The following ACTR3C variants were observed in gnomAD, a reference collection of about 807,000 sequenced individuals.
ACTR3C encodes actin related protein 3C.
In ACTR3C, 18 loss-of-function variants were observed where a neutral mutation model predicts 26.3. The ratio of observed to expected loss-of-function variants is 0.68; its 90% CI spans 0.47 to 1.01. The LOEUF is 1.01. ACTR3C is among the 50% of genes least tolerant of loss of function. The pLI is 0.00. For missense variants in ACTR3C, 184 were observed against 250.7 expected, an observed-to-expected ratio of 0.73 and a Z score of 1.80; for synonymous variants, 55 against 94.5, an observed-to-expected ratio of 0.58 and a Z score of 2.42.
the ACTR3C span, among the ~76,000 whole-genome samples, chr7:149,932,111 G>A: frequency 8.5e-5 from 13 of 152,340 alleles, no homozygotes; most frequent in African/African-American, 3.1e-4. Flanking sequence ...ATGGATGGAT[G>A]AACAGTGTGA....
the ACTR3C span, among the ~76,000 whole-genome samples, chr7:150,115,963 C>T: frequency 6.6e-6 from 1 of 152,212 alleles, no homozygotes; most frequent in Non-Finnish European, 1.5e-5. Context: ...ATGCACCACT[C>T]AAACTTCCTT....
chr7:150,188,489 G>A, the ACTR3C span, among the ~76,000 whole-genome samples: 1 of 151,578 alleles, frequency 6.6e-6, no homozygotes, highest in East Asian at 1.9e-4. Context: ...TAGAATTACT[G>A]GGTCTATGGT....
the ACTR3C span, among the ~76,000 whole-genome samples, chr7:149,944,569 TG>T: frequency 6.7e-6 from 1 of 150,252 alleles, no homozygotes; most frequent in Non-Finnish European, 1.5e-5. Context: ...TAACATGCAA[TG>T]TGAAGATACA....
chr7:150,054,083 CA>C, the ACTR3C span, among the ~76,000 whole-genome samples: 7 of 152,358 alleles, frequency 4.6e-5, no homozygotes, highest in East Asian at 1.3e-3. Flanking sequence ...CTTTATGTGA[CA>C]AACCCCCTTT....
chr7:150,210,375 A>G, the ACTR3C span, among the ~76,000 whole-genome samples: 4 of 150,576 alleles, frequency 2.7e-5, no homozygotes, highest in African/African-American at 1.0e-4. Flanking sequence ...TTAGGTATTT[A>G]CCCTACCTAA....
intron 1 of ACTR3C, among the ~76,000 whole-genome samples, chr7:150,297,946 T>A (rs1432853654): frequency 1.3e-5 from 2 of 151,338 alleles, no homozygotes; most frequent in African/African-American, 4.9e-5. Context: ...GATATCAAGT[T>A]GAGCAGTGCA....
chr7:150,005,998 T>C, the ACTR3C span, among the ~76,000 whole-genome samples: 2 of 152,226 alleles, frequency 1.3e-5, no homozygotes, highest in East Asian at 1.9e-4. Context: ...CCTTGGCTGC[T>C]GGACTGAGAT....
chr7:150,189,624 C>T, the ACTR3C span, among the ~76,000 whole-genome samples: 2 of 128,544 alleles, frequency 1.6e-5, no homozygotes, highest in East Asian at 4.3e-4. Flanking sequence ...ATGCCTGTTA[C>T]AGAATGTCTT....
chr7:149,885,457 G>A, the ACTR3C span, among the ~76,000 whole-genome samples: 7 of 152,208 alleles, frequency 4.6e-5, no homozygotes, highest in Non-Finnish European at 1.0e-4. Context: ...CCAGGAGGCC[G>A]GGGGCAGGGA....
the ACTR3C span, among the ~76,000 whole-genome samples, chr7:150,232,739 C>T: frequency 4.7e-5 from 7 of 149,180 alleles, no homozygotes; most frequent in East Asian, 1.4e-3. Flanking sequence ...AGGAGAATCA[C>T]TTGAACCCAG....
At chr7:150,230,094 G>A in the ACTR3C span, among the ~76,000 whole-genome samples, 1 of 150,946 alleles carries the variant, frequency 6.6e-6, no homozygotes, top group Non-Finnish European at 1.5e-5. Context: ...GAGTGATGAT[G>A]GGTGCCTATA....
chr7:150,150,305 A>G, the ACTR3C span, among the ~76,000 whole-genome samples: 4 of 152,218 alleles, frequency 2.6e-5, no homozygotes, highest in Admixed American at 1.3e-4. Context: ...ATTATTTAGC[A>G]TCGCTTGTTG....
chr7:150,217,192 G>T, the ACTR3C span, among the ~76,000 whole-genome samples: 6 of 147,110 alleles, frequency 4.1e-5, no homozygotes, highest in Non-Finnish European at 8.8e-5. Context: ...TACCATGAAG[G>T]TCCTATAAAA....
the ACTR3C span, among the ~76,000 whole-genome samples, chr7:150,147,568 ATAAT>A: frequency 1.1e-3 from 169 of 152,284 alleles, no homozygotes; most frequent in Middle Eastern, 0.014. Context: ...TATAAATGAA[ATAAT>A]TAATCATTCA....
the ACTR3C span, among the ~76,000 whole-genome samples, chr7:150,107,596 TTC>T: frequency 6.6e-6 from 1 of 152,018 alleles, no homozygotes; most frequent in African/African-American, 2.4e-5. Flanking sequence ...GGAGTGTGGC[TTC>T]TACTTATGAT....
At chr7:150,015,331 T>A in the ACTR3C span, among the ~76,000 whole-genome samples, 1 of 152,108 alleles carries the variant, frequency 6.6e-6, no homozygotes, top group African/African-American at 2.4e-5. Flanking sequence ...CAGAGAAAGG[T>A]CACTCAAGTT....
the ACTR3C span, among the ~76,000 whole-genome samples, chr7:149,888,676 G>A: frequency 6.6e-6 from 1 of 152,154 alleles, no homozygotes; most frequent in Non-Finnish European, 1.5e-5. Context: ...TGGGGAGAGA[G>A]GGCAAGATCA....
chr7:150,090,384 A>G, the ACTR3C span, among the ~76,000 whole-genome samples: 4 of 152,268 alleles, frequency 2.6e-5, no homozygotes, highest in Non-Finnish European at 5.9e-5. Context: ...TGAAAGTCGT[A>G]TGCACATGTT....
the ACTR3C span, among the ~76,000 whole-genome samples, chr7:149,935,859 G>C: frequency 6.6e-6 from 1 of 152,298 alleles, no homozygotes; most frequent in Admixed American, 6.5e-5. Context: ...GTGGTGCAGT[G>C]CTGGACAGCT....
Sources: gnomAD v4.1 joint callset for allele counts (sites outside exome capture counted in the v4.1 genomes callset) on GRCh38, gnomAD v4.1.1 for gene constraint, MANE v1.5 for transcripts, NCBI Gene and HGNC (gene_info 2026-07-23, HGNC 2026-07-21) for gene names.